INPP1: variants seen among roughly 807,000 people sequenced by gnomAD.
INPP1 encodes the protein inositol polyphosphate 1-phosphatase.
Under a neutral mutation model 23.0 loss-of-function variants are expected in INPP1, and 18 were observed. The observed-to-expected ratio is 0.78, with a 90% CI of 0.54 to 1.16. INPP1 has a LOEUF of 1.16. INPP1 is among the 50% of genes most tolerant of loss of function. The probability of loss-of-function intolerance (pLI) is 0.00; values close to 1 mark genes in which losing one functional copy is unlikely to be tolerated. For missense variants in INPP1, 448 were observed against 482.1 expected (o/e 0.93, Z 0.66); for synonymous variants, 164 against 176.3 (o/e 0.93, Z 0.55).
chr2:190,366,133 C>G (rs1689654815), intron 4 of INPP1, among the ~76,000 whole-genome samples: 1 of 151,486 alleles, frequency 6.6e-6, no homozygotes, highest in Non-Finnish European at 1.5e-5. Flanking sequence ...CTCTGTCTCT[C>G]TTGCTCTCTC....
Position 190,352,520 on chromosome 2 carries a change from G to C in INPP1, c.-65+3489G>C, listed in dbSNP as rs545126270. ...AGGCTTGTAGTACAGTTTCCCTCTG[G>C]CCTCACAGGAATCTCAGGGGAGGCT... On this transcript the variant is annotated intron_variant, in intron 2 of 6. Transcript: ENST00000392329. The surrounding 1 kb of genome is among the most constrained non-coding windows in gnomAD (Gnocchi z 4.7). Among the ~76,000 whole-genome samples, 1 of 152,282 alleles carries C rather than the reference G, an allele frequency of 6.6e-6. No individual in the cohort carries two copies. The highest frequency in any genetic ancestry group is 2.4e-5 in the African/African-American group (1 of 41,548).
In INPP1 at chr2:190,345,569, T is replaced by C. The variant is rs1019223027; in HGVS notation, c.-209+1608T>C. The C allele has an allele frequency of 3.9e-5, 6 of 152,200 alleles. No individual in the cohort carries two copies. The South Asian group carries it at 1.2e-3, about 31-fold the overall frequency. The allele number at this position is 152,200 out of a possible 1,614,324, so 9.4% of individuals were successfully genotyped here. On this transcript the variant is annotated intron_variant, in intron 1 of 6. Coordinates refer to ENST00000392329, the MANE Select transcript of INPP1 (RefSeq NM_001128928.2). This position sits in a 1 kb window ranked among gnomAD's most constrained non-coding sequence, Gnocchi z 4.9. ...ATGAAAACAAACGTCATCTTCATTT[T>C]TTAAAGGTGAGGATGGTGTATATAA...
chr2:190,344,415 C>T (rs1689178552), intron 1 of INPP1, among the ~76,000 whole-genome samples: 1 of 152,254 alleles, frequency 6.6e-6, no homozygotes, highest in African/African-American at 2.4e-5. Flanking sequence ...CCCTTGGTCT[C>T]AGCCTTGGCT....
intron 1 of INPP1, among the ~76,000 whole-genome samples, chr2:190,347,231 T>G (rs1158274519): frequency 6.6e-6 from 1 of 152,014 alleles, no homozygotes; most frequent in African/African-American, 2.4e-5. Flanking sequence ...CAGGATGGTC[T>G]CGATCTCCTG....
At chr2:190,349,569 T>A (rs1689287897) in intron 2 of INPP1, among the ~76,000 whole-genome samples, 1 of 152,238 alleles carries the variant, frequency 6.6e-6, no homozygotes, top group Non-Finnish European at 1.5e-5. Flanking sequence ...GAATTTTGCA[T>A]CAAATTTGTA....
At chr2:190,370,262 C>T (rs1398008845) in intron 6 of INPP1, among the ~76,000 whole-genome samples, 1 of 152,158 alleles carries the variant, frequency 6.6e-6, no homozygotes, top group Admixed American at 6.5e-5. Context: ...TTCTCTAAGC[C>T]TGTTTCCTTA....
chr2:190,368,545 G>C lies in INPP1; in HGVS notation c.467-558G>C, dbSNP rs1689730468. 6.6e-6 allele frequency: 1 copy of C among 152,106 alleles called. No individual in the cohort carries two copies. Among genetic ancestry groups the C allele is most frequent in the African/African-American group, 2.4e-5 (1 of 41,410 alleles). 9.4% of individuals were successfully genotyped at this position (152,106 alleles called of 1,614,324 possible). ...GGGGTAGATGAGATGTTTTGACACA[G>C]GCACACAATGTGAGATAAGCACATC... is the stretch of plus-strand genomic sequence containing the variant. On this transcript the variant is annotated intron_variant, in intron 5 of 6. Coordinates refer to ENST00000392329, the MANE Select transcript of INPP1 (RefSeq NM_001128928.2). This position sits in a 1 kb window ranked among gnomAD's most constrained non-coding sequence, Gnocchi z 4.3.
chr2:190,352,347 G>T lies in INPP1; in HGVS notation c.-65+3316G>T, dbSNP rs1309995744. On this transcript the variant is annotated intron_variant, in intron 2 of 6. Transcript: ENST00000392329. This position sits in a 1 kb window ranked among gnomAD's most constrained non-coding sequence, Gnocchi z 4.7. ...CCGGATCAACATGAAATAAGACCCAGGAAGTACAGGCAGTCCCAAACTGTA... is the reference window on the plus strand; with the variant it reads ...CCGGATCAACATGAAATAAGACCCATGAAGTACAGGCAGTCCCAAACTGTA... Among the ~76,000 whole-genome samples, 2 of 152,204 alleles carry T rather than the reference G, an allele frequency of 1.3e-5. No individual in the cohort carries two copies. The highest frequency in any genetic ancestry group is 2.9e-5 in the Non-Finnish European group (2 of 68,032).
intron 4 of INPP1, 102 bp from the exon 5 acceptor site, chr2:190,366,593 C>G: frequency 1.2e-6 from 1 of 841,948 alleles, no homozygotes; most frequent in South Asian, 1.5e-5. Flanking sequence ...CTGTCTCTCT[C>G]TCTCGCTCTC....
intron 1 of INPP1, among the ~76,000 whole-genome samples, chr2:190,344,732 G>A (rs562406592): frequency 3.9e-5 from 6 of 152,308 alleles, no homozygotes; most frequent in Admixed American, 3.3e-4. Context: ...ACCACGGCTT[G>A]TTTTTTGGAG....
In INPP1 at chr2:190,370,966, C is replaced by T. The variant is rs1689789979; in HGVS notation, c.764C>T (p.Ala255Val). ...ACTGGAAACACCGGCTCTGAGGCAG[C>T]ATTCTCCCCCAGTTTTTCAGCCGTA... ...THTGNTGSEA[A>V]FSPSFSAVIS... The change falls in exon 7 of 7, where the codon GCA becomes GTA. Residue 255 changes from alanine to valine, a missense_variant. Physicochemically the swap from Ala to Val is moderately conservative, Grantham distance 64. Coordinates refer to ENST00000392329, the MANE Select transcript of INPP1 (RefSeq NM_001128928.2). The T allele has an allele frequency of 6.2e-7, 1 of 1,614,080 alleles. No homozygotes were observed. Among genetic ancestry groups the T allele is most frequent in the Admixed American group, 1.7e-5 (1 of 60,004 alleles).
chr2:190,358,884 T>C (rs1559082213), intron 2 of INPP1, among the ~76,000 whole-genome samples: 1 of 152,222 alleles, frequency 6.6e-6, no homozygotes, highest in Non-Finnish European at 1.5e-5. Flanking sequence ...AACCGTTTAC[T>C]GGGTAAAGGA....
chr2:190,362,588 G>C, intron 3 of INPP1, 39 bp from the exon 4 acceptor site: 1 of 1,362,074 alleles, frequency 7.3e-7, no homozygotes, highest in Non-Finnish European at 1.0e-6. Flanking sequence ...ATATGTGTGG[G>C]TTTTTGTTTT....
At position 190,371,314 on chromosome 2, in the gene INPP1, G is replaced by C; in HGVS notation, c.1112G>C (p.Gly371Ala). Residue 371 changes from glycine to alanine, a missense_variant, in exon 7 of 7, where the codon GGA becomes GCA. By Grantham distance (60) the Gly-to-Ala change is moderately conservative (BLOSUM62 0). Transcript: ENST00000392329. The surrounding 1 kb of genome is among the most constrained non-coding windows in gnomAD (Gnocchi z 5.3). ...AGVDRWANKG[G>A]LIAYRSRKRL... ...GTGGATCGGTGGGCCAACAAGGGAGGACTCATTGCATACAGATCCAGGAAG... is the reference window on the plus strand; with the variant it reads ...GTGGATCGGTGGGCCAACAAGGGAGCACTCATTGCATACAGATCCAGGAAG... 1 of 1,602,130 alleles carries C rather than the reference G, an allele frequency of 6.2e-7. No homozygotes were observed. The highest frequency in any genetic ancestry group is 8.5e-7 in the Non-Finnish European group (1 of 1,173,482).
At chr2:190,366,979 A>G (rs918270849) in intron 5 of INPP1, 84 bp downstream of exon 5, 17 of 837,700 alleles carry the variant, frequency 2.0e-5, no homozygotes, top group Non-Finnish European at 3.3e-5. Context: ...AAAAATAAAA[A>G]TTATTGAGTG....
chr2:190,361,446 C>G (rs2124932309), intron 3 of INPP1, among the ~76,000 whole-genome samples: 1 of 152,296 alleles, frequency 6.6e-6, no homozygotes, highest in African/African-American at 2.4e-5. Flanking sequence ...ACAAACTATA[C>G]TTTTTCATGT....
rs1185652326 is a variant in INPP1 at position 190,352,674 on chromosome 2, G to A, written c.-65+3643G>A. Among the ~76,000 whole-genome samples, 1 of 152,160 alleles carries A rather than the reference G, an allele frequency of 6.6e-6. No homozygotes were observed. The highest frequency in any genetic ancestry group is 1.9e-4 in the East Asian group (1 of 5,184). On this transcript the variant is annotated intron_variant, in intron 2 of 6. Coordinates refer to ENST00000392329, the MANE Select transcript of INPP1 (RefSeq NM_001128928.2). This position sits in a 1 kb window ranked among gnomAD's most constrained non-coding sequence, Gnocchi z 4.7. ...AACTACTCCCCAAGGCAGCCCTTGAGTATGGAGCAAAGGAGAGGTGGGACG... is the reference window on the plus strand; with the variant it reads ...AACTACTCCCCAAGGCAGCCCTTGAATATGGAGCAAAGGAGAGGTGGGACG...
At position 190,369,175 on chromosome 2, in the gene INPP1, A is replaced by G; in HGVS notation, c.539A>G (p.Gln180Arg). Residue 180 changes from glutamine (Q) to arginine (R), a missense_variant, in exon 6 of 7, where the codon CAG (glutamine) becomes CGG (arginine). Gln to Arg is a conservative substitution (Grantham distance 43, BLOSUM62 1). Transcript: ENST00000392329. ...CAGGGAATCTTCCCCTGTGGACTTC[A>G]GTGTGTCACCATTTTAATTGGTGTC... ...SNQGIFPCGL[Q>R]CVTILIGVYD... 6.2e-7 allele frequency: 1 copy of G among 1,609,274 alleles called. No homozygotes were observed. The highest frequency in any genetic ancestry group is 1.7e-5 in the Admixed American group (1 of 59,960).
chr2:190,360,043 C>T lies in INPP1; in HGVS notation c.-60C>T, dbSNP rs532764381. 5.1e-4 allele frequency: 788 copies of T among 1,531,516 alleles called. 2 individuals are homozygous for T. Among genetic ancestry groups the T allele is most frequent in the African/African-American group, 4.2e-3 (309 of 73,224 alleles). The allele number at this position is 1,531,516 out of a possible 1,614,324, so 94.9% of individuals were successfully genotyped here. On this transcript the variant is annotated 5_prime_UTR_variant, in exon 3 of 7. It adds an upstream start codon to the 5' untranslated region. Coordinates refer to ENST00000392329, the MANE Select transcript of INPP1 (RefSeq NM_001128928.2). ...CACATTCTTGTATTTTTCCAGCTGA[C>T]GGCCCAGAGGGTGGGTGCCAATTCC...
Sources: allele counts gnomAD v4.1 joint callset (sites outside exome capture counted in the v4.1 genomes callset), GRCh38; gene constraint gnomAD v4.1.1; non-coding constraint Gnocchi (gnomAD v3.1); transcripts MANE v1.5; gene names NCBI Gene and HGNC (gene_info 2026-07-23, HGNC 2026-07-21).